Variants in ANO5 observed in about 807,000 individuals in gnomAD.
The protein encoded by ANO5 is anoctamin-5.
ANO5 carries 109 observed loss-of-function variants against 121.0 expected under a neutral mutation model. The observed-to-expected ratio is 0.90, with a 90% CI of 0.77 to 1.06. The LOEUF is 1.06. ANO5 is among the 50% of genes least tolerant of loss of function. ANO5 has a pLI of 0.00. For missense variants in ANO5, 1,064 were observed against 1,078.5 expected (o/e 0.99, Z 0.19); for synonymous variants, 406 against 359.9 (o/e 1.13, Z -1.45).
intron 5 of ANO5, among the ~76,000 whole-genome samples, chr11:22,221,809 T>A (rs1391012178): frequency 6.6e-6 from 1 of 151,994 alleles, no homozygotes. Context: ...AATTAATCCA[T>A]TTTTATACAC....
chr11:22,233,716 A>G (rs1276665454), intron 7 of ANO5, among the ~76,000 whole-genome samples: 1 of 152,086 alleles, frequency 6.6e-6, no homozygotes, highest in African/African-American at 2.4e-5. Flanking sequence ...GGAACATTGT[A>G]CCTGTGAAGA....
chr11:22,272,339 C>CACACACACAT (rs1854651536), intron 18 of ANO5, among the ~76,000 whole-genome samples: 1 of 149,078 alleles, frequency 6.7e-6, no homozygotes, highest in Non-Finnish European at 1.5e-5. Context: ...CACACACACA[C>CACACACACAT]ACACACAGCT....
At position 22,279,746 on chromosome 11, in the gene ANO5, T is replaced by G; in HGVS notation, c.2723T>G (p.Leu908Arg). 3 of 1,612,358 alleles carry G rather than the reference T, an allele frequency of 1.9e-6. No homozygotes were observed. Among genetic ancestry groups the G allele is most frequent in the Non-Finnish European group, 1.7e-6 (2 of 1,178,926 alleles). ...HVMIEENKAQ[L>R]AKSTL Reference sequence around the variant, plus strand: ...ATGATTGAGGAAAACAAAGCACAGCTGGCTAAATCAACACTCTAATCAGTA... The same window carrying G: ...ATGATTGAGGAAAACAAAGCACAGCGGGCTAAATCAACACTCTAATCAGTA... The change falls in exon 22 of 22, where the codon CTG becomes CGG. Residue 908 changes from leucine to arginine, a missense_variant. By Grantham distance (102) the Leu-to-Arg change is moderately radical. Transcript: ENST00000324559.
chr11:22,262,974 T>C lies in ANO5; in HGVS notation c.1829T>C (p.Leu610Ser). ...GATCCTGGAGGCTGTCTTATAGAAT[T>C]GACAACCCAATTGACCATTATAATG... ...ECDPGGCLIE[L>S]TTQLTIIMTG... The change falls in exon 17 of 22, where the codon TTG becomes TCG. Residue 610 changes from leucine (L) to serine (S), a missense_variant. By Grantham distance (145) the Leu-to-Ser change is moderately radical. Transcript: ENST00000324559. 2 of 1,613,622 alleles carry C rather than the reference T, an allele frequency of 1.2e-6. No homozygotes were observed. The highest frequency in any genetic ancestry group is 2.2e-5 in the South Asian group (2 of 91,076).
chr11:22,210,204 T>A (rs1331742197), intron 2 of ANO5, among the ~76,000 whole-genome samples: 1 of 152,040 alleles, frequency 6.6e-6, no homozygotes, highest in African/African-American at 2.4e-5. Context: ...AGTATTACTT[T>A]AGTACAATAG....
In ANO5 at chr11:22,272,811, T is replaced by C; in HGVS notation, c.2057T>C (p.Phe686Ser). The C allele has an allele frequency of 1.2e-6, 2 of 1,614,126 alleles. No homozygotes were observed. The highest frequency in any genetic ancestry group is 1.7e-5 in the Admixed American group (1 of 60,024). ...ACTCAATTTGGATTTGTTACACTAT[T>C]TGTGGCCTCTTTTCCTTTGGCTCCT... ...TVTQFGFVTLFVASFPLAPLL... is the reference protein window; with the variant it reads ...TVTQFGFVTLSVASFPLAPLL... Residue 686 changes from phenylalanine (F) to serine (S), a missense_variant, in exon 19 of 22, where the codon TTT becomes TCT. By Grantham distance (155) the Phe-to-Ser change is radical (BLOSUM62 -2). Coordinates refer to ENST00000324559, the MANE Select transcript of ANO5 (RefSeq NM_213599.3).
At position 22,281,748 on chromosome 11, in the gene ANO5, CAA is replaced by C. The variant is rs1441048384; in HGVS notation, c.*1985_*1986del. 1 of 151,950 alleles carries C rather than the reference CAA, an allele frequency of 6.6e-6. No homozygotes were observed. Among genetic ancestry groups the C allele is most frequent in the East Asian group, 1.9e-4 (1 of 5,196 alleles). The allele number at this position is 151,950 out of a possible 1,614,324, so 9.4% of individuals were successfully genotyped here. On this transcript the variant is annotated 3_prime_UTR_variant, in exon 22 of 22. Transcript: ENST00000324559. ...AGGTAGACTGTATGATAAATAAAAA[CAA>C]ATTTAATTCACAAAGTTATCTGTAC...
In ANO5 at chr11:22,250,619, C is replaced by A. The variant is rs576205741; in HGVS notation, c.1014-122C>A. ...ATGACTTGACCCACTATAGAAATTG[C>A]TGCTTGATTGCCCCTTCTGTTATAT... On this transcript the variant is annotated intron_variant, in intron 10 of 21. Transcript: ENST00000324559. 11 of 1,101,614 alleles carry A rather than the reference C, an allele frequency of 1.0e-5. No homozygotes were observed. In the Admixed American group the frequency reaches 1.7e-4, roughly 17 times the overall value. 68.2% of individuals were successfully genotyped at this position (1,101,614 alleles called of 1,614,324 possible). A position where few individuals can be genotyped will look rare whatever the true frequency, so the allele number is the denominator to read the frequency against.
At chr11:22,254,629 A>G (rs1173153190) in intron 12 of ANO5, among the ~76,000 whole-genome samples, 1 of 152,070 alleles carries the variant, frequency 6.6e-6, no homozygotes, top group African/African-American at 2.4e-5. Context: ...TATCAGTTGT[A>G]TATCATTTAA....
At position 22,218,118 on chromosome 11, in the gene ANO5, C is replaced by CACACACACACACAT. The variant is rs1852519208; in HGVS notation, c.139-115_139-114insTACACACACACACA. 6 of 847,456 alleles carry CACACACACACACAT rather than the reference C, an allele frequency of 7.1e-6. No homozygotes were observed. The Admixed American group carries it at 1.2e-4, about 17-fold the overall frequency. The allele number at this position is 847,456 out of a possible 1,614,324, so 52.5% of individuals were successfully genotyped here. On this transcript the variant is annotated intron_variant, in intron 3 of 21. Transcript: ENST00000324559. ...TTGTATCCTCCAGTTTGAAATATCACACACACACACACACACACACACTTA... is the reference window on the plus strand; with the variant it reads ...TTGTATCCTCCAGTTTGAAATATCACACACACACACACATACACACACACACACACACACACTTA...
intron 7 of ANO5, among the ~76,000 whole-genome samples, chr11:22,233,655 T>A (rs1018881640): frequency 6.6e-6 from 1 of 152,076 alleles, no homozygotes; most frequent in Non-Finnish European, 1.5e-5. Context: ...CCTAATGATT[T>A]CTCATTGAAA....
In ANO5 at chr11:22,261,633, C is replaced by T. The variant is rs559241178; in HGVS notation, c.1631-496C>T. ...TGTGCTGAGATCACGCCACTGTGCT[C>T]CACCTGGGTGACAGAGTGAGATTCC... On this transcript the variant is annotated intron_variant, in intron 15 of 21. Coordinates refer to ENST00000324559, the MANE Select transcript of ANO5 (RefSeq NM_213599.3). The T allele has an allele frequency of 3.5e-5, 6 of 173,096 alleles. No homozygotes were observed. In the South Asian group the frequency reaches 7.0e-4, roughly 20 times the overall value. 10.7% of individuals were successfully genotyped at this position (173,096 alleles called of 1,614,324 possible).
At chr11:22,239,516 C>T (rs1220592628) in intron 8 of ANO5, 53 bp from the exon 9 acceptor site, 8 of 1,290,134 alleles carry the variant, frequency 6.2e-6, no homozygotes, top group South Asian at 1.2e-5. Flanking sequence ...TTATTTACTT[C>T]GTCTTTGTCT....
chr11:22,277,420 A>G (rs1854902951), intron 21 of ANO5, among the ~76,000 whole-genome samples: 1 of 151,718 alleles, frequency 6.6e-6, no homozygotes, highest in Non-Finnish European at 1.5e-5. Context: ...GTGCCACCTG[A>G]GACCCTGCTG....
chr11:22,262,347 T>G, intron 16 of ANO5, 49 bp downstream of exon 16: 2 of 1,582,342 alleles, frequency 1.3e-6, no homozygotes, highest in African/African-American at 2.7e-5. Context: ...TACCTCAGTA[T>G]TAACAACTTT....
rs2133788943 is a variant in ANO5 at position 22,272,955 on chromosome 11, T to C, written c.2201T>C (p.Leu734Pro). Residue 734 changes from leucine to proline, a missense_variant, in exon 19 of 22, where the codon CTT becomes CCT. Leu to Pro is a moderately conservative substitution (Grantham distance 98). Transcript: ENST00000324559. Reference sequence around the variant, plus strand: ...AGCATAGGTGTTTGGCAAGACATTCTTTATGGAATGGCTGTCCTTTCTGTT... The same window carrying C: ...AGCATAGGTGTTTGGCAAGACATTCCTTATGGAATGGCTGTCCTTTCTGTT... Reference protein sequence around the residue: ...AHSIGVWQDILYGMAVLSVAT... With the variant: ...AHSIGVWQDIPYGMAVLSVAT... 1 of 1,614,100 alleles carries C rather than the reference T, an allele frequency of 6.2e-7. No individual in the cohort carries two copies. Among genetic ancestry groups the C allele is most frequent in the Non-Finnish European group, 8.5e-7 (1 of 1,180,014 alleles).
intron 9 of ANO5, among the ~76,000 whole-genome samples, chr11:22,240,569 T>G (rs1027181373): frequency 6.6e-6 from 1 of 152,078 alleles, no homozygotes; most frequent in Non-Finnish European, 1.5e-5. Context: ...AAACTGGGGC[T>G]TTTGATAAAT....
chr11:22,245,184 G>GTAA (rs1853577063), intron 9 of ANO5, among the ~76,000 whole-genome samples: 1 of 152,134 alleles, frequency 6.6e-6, no homozygotes, highest in Non-Finnish European at 1.5e-5. Flanking sequence ...ATGGCACTTA[G>GTAA]GAGTAAGAGC....
chr11:22,230,429 T>C (rs969764704), intron 7 of ANO5, among the ~76,000 whole-genome samples: 9 of 152,186 alleles, frequency 5.9e-5, no homozygotes, highest in African/African-American at 1.9e-4. Context: ...TCAGTATCTT[T>C]TTTTGTCAAA....
Sources: gnomAD v4.1 joint callset for allele counts (sites outside exome capture counted in the v4.1 genomes callset) on GRCh38, gnomAD v4.1.1 for gene constraint, MANE v1.5 for transcripts, NCBI Gene and HGNC (gene_info 2026-07-23, HGNC 2026-07-21) for gene names.